Variants in WASHC2A observed in about 807,000 individuals in gnomAD.
WASHC2A encodes the protein WASH complex subunit FAM21A.
WASHC2A carries 82 observed loss-of-function variants against 140.3 expected under a neutral mutation model. The ratio of observed to expected loss-of-function variants is 0.58; its 90% CI spans 0.49 to 0.70. The LOEUF (loss-of-function observed/expected upper bound fraction) is 0.70, where lower values mean the gene tolerates loss of function less well. Among genes scored for constraint, WASHC2A ranks in the 30% least tolerant of loss-of-function variants. WASHC2A has a pLI of 0.00. For missense variants in WASHC2A, 985 were observed against 1,521.8 expected (o/e 0.65, Z 5.87); for synonymous variants, 340 against 560.8 (o/e 0.61, Z 5.56).
At chr10:50,125,514 C>G in intron 25 of WASHC2A, 65 bp downstream of exon 25, 1 of 1,610,942 alleles carries the variant, frequency 6.2e-7, no homozygotes, top group East Asian at 2.2e-5. Flanking sequence ...AAACTAACGT[C>G]CAGTTAGATC....
In WASHC2A at chr10:50,074,821, C is replaced by G. The variant is rs181869257; in HGVS notation, c.292-3854C>G. Among the ~76,000 whole-genome samples the G allele has an allele frequency of 1.8e-3, 274 of 152,208 alleles. 1 individual carries two copies. Among genetic ancestry groups the G allele is most frequent in the African/African-American group, 6.4e-3 (264 of 41,530 alleles). ...GTCCCAGCTACTCGGGAGCTTGAGG[C>G]AGGAGAAGGGCGTGAACCCGGGAGG... On this transcript the variant is annotated intron_variant, in intron 3 of 30. Coordinates refer to ENST00000282633, the MANE Select transcript of WASHC2A (RefSeq NM_001005751.3).
At chr10:50,111,489 C>T (rs1408948450) in intron 20 of WASHC2A, among the ~76,000 whole-genome samples, 2 of 152,034 alleles carry the variant, frequency 1.3e-5, no homozygotes, top group East Asian at 3.9e-4. Context: ...TCAATTTCCT[C>T]ATTTGTTAAA....
chr10:50,076,651 C>T (rs1344333588), intron 3 of WASHC2A, among the ~76,000 whole-genome samples: 1 of 152,114 alleles, frequency 6.6e-6, no homozygotes. Flanking sequence ...TAGGTAAAAT[C>T]CCTCTCTAGG....
At chr10:50,092,450 G>GT (rs1441803351) in intron 11 of WASHC2A, among the ~76,000 whole-genome samples, 23 of 152,130 alleles carry the variant, frequency 1.5e-4, no homozygotes, top group Non-Finnish European at 4.4e-5. Context: ...GAGGTCAGGA[G>GT]TTTAAGACCA....
intron 26 of WASHC2A, 67 bp from the exon 27 acceptor site, chr10:50,127,093 C>T: frequency 6.3e-7 from 1 of 1,591,118 alleles, no homozygotes; most frequent in Non-Finnish European, 8.6e-7. Flanking sequence ...GATTTATTTA[C>T]AGGCATAAGA....
chr10:50,121,812 A>G (rs1444910910), intron 23 of WASHC2A, among the ~76,000 whole-genome samples: 2 of 148,630 alleles, frequency 1.3e-5, no homozygotes, highest in Non-Finnish European at 2.9e-5. Flanking sequence ...CAAAAGAAGT[A>G]CAAGACTTGT....
At chr10:50,100,876 C>T (rs1201257332) in intron 17 of WASHC2A, among the ~76,000 whole-genome samples, 1 of 152,310 alleles carries the variant, frequency 6.6e-6, no homozygotes, top group Non-Finnish European at 1.5e-5. Flanking sequence ...TTTCCTGAGT[C>T]TCTCAGGCCT....
At chr10:50,070,583 T>C (rs1319552434) in intron 3 of WASHC2A, among the ~76,000 whole-genome samples, 1 of 149,020 alleles carries the variant, frequency 6.7e-6, no homozygotes, top group African/African-American at 2.5e-5. Flanking sequence ...TTGTGCAGCA[T>C]GTTTGTGCAT....
At position 50,122,088 on chromosome 10, in the gene WASHC2A, TG is replaced by T. The variant is rs1347791756; in HGVS notation, c.2478+2320del. Reference sequence around the variant, plus strand: ...ACAAAGTTAGAAGACTCACACTTCCTGATTTCAAAACTTACTTTAAGACAGG... The same window carrying T: ...ACAAAGTTAGAAGACTCACACTTCCTATTTCAAAACTTACTTTAAGACAGG... On this transcript the variant is annotated intron_variant, in intron 23 of 30. Coordinates refer to ENST00000282633, the MANE Select transcript of WASHC2A (RefSeq NM_001005751.3). Among the ~76,000 whole-genome samples the T allele has an allele frequency of 6.6e-5, 9 of 136,946 alleles. 1 individual carries two copies. The Admixed American group carries it at 6.7e-4, about 10-fold the overall frequency. The allele number at this position is 136,946 out of a possible 152,430, so 89.8% of individuals were successfully genotyped here. A position where few individuals can be genotyped will look rare whatever the true frequency, so the allele number is the denominator to read the frequency against.
intron 19 of WASHC2A, among the ~76,000 whole-genome samples, chr10:50,109,258 T>C (rs1375681410): frequency 3.8e-4 from 58 of 152,336 alleles, no homozygotes; most frequent in Admixed American, 9.8e-4. Context: ...GGTGTGAGCA[T>C]AGTCGAGTAG....
At chr10:50,103,507 C>G in intron 17 of WASHC2A, among the ~76,000 whole-genome samples, 1 of 152,018 alleles carries the variant, frequency 6.6e-6, no homozygotes, top group Non-Finnish European at 1.5e-5. Flanking sequence ...TTTCAGTGAG[C>G]CGAGATTGCA....
chr10:50,110,892 C>CAAAAAAA (rs1239943523), intron 20 of WASHC2A, among the ~76,000 whole-genome samples: 2 of 69,722 alleles, frequency 2.9e-5, no homozygotes, highest in Admixed American at 1.9e-4. Context: ...GACTCCATCT[C>CAAAAAAA]AAAAAAAAAA....
intron 21 of WASHC2A, among the ~76,000 whole-genome samples, chr10:50,116,770 T>C (rs1265689671): frequency 2.0e-5 from 3 of 150,730 alleles, no homozygotes; most frequent in African/African-American, 4.9e-5. Flanking sequence ...TACTTATCTC[T>C]TCCTAACTAA....
At chr10:50,112,983 A>C (rs1554890890) in intron 20 of WASHC2A, among the ~76,000 whole-genome samples, 1 of 151,686 alleles carries the variant, frequency 6.6e-6, no homozygotes, top group Non-Finnish European at 1.5e-5. Context: ...GTGATATTGC[A>C]CAACTCGATG....
At position 50,093,401 on chromosome 10, in the gene WASHC2A, C is replaced by G. The variant is rs1216209645; in HGVS notation, c.1122+15C>G. 7.4e-7 allele frequency: 1 copy of G among 1,353,136 alleles called. No homozygotes were observed. Among genetic ancestry groups the G allele is most frequent in the African/African-American group, 1.5e-5 (1 of 68,688 alleles). 83.8% of individuals were successfully genotyped at this position (1,353,136 alleles called of 1,614,324 possible). The stretch of plus-strand genomic sequence containing the variant: ...AGGACGAGGAGGTGAGTCCATGGCA[C>G]CCAGCAACACTCCCTGCAGCTAGCT... On this transcript the variant is annotated intron_variant, in intron 12 of 30. Transcript: ENST00000282633.
At chr10:50,090,986 A>G in intron 9 of WASHC2A, 100 bp downstream of exon 9, 1 of 1,330,232 alleles carries the variant, frequency 7.5e-7, no homozygotes, top group South Asian at 1.3e-5. Flanking sequence ...TCATTTTGGC[A>G]TATTTGTCAT....
At chr10:50,130,786 TCG>T (rs1843893229) in intron 29 of WASHC2A, 113 bp from the exon 30 acceptor site, 1 of 1,511,234 alleles carries the variant, frequency 6.6e-7, no homozygotes, top group Admixed American at 2.1e-5. Flanking sequence ...GTGGGCAGTC[TCG>T]AGGCTGTTCC....
At chr10:50,083,331 C>T (rs2805140) in intron 5 of WASHC2A, among the ~76,000 whole-genome samples, 33,056 of 90,922 alleles carry the variant, frequency 0.36, 10,945 homozygotes, top group Admixed American at 0.49. Flanking sequence ...TATATAGTTA[C>T]ATTATGTCTC....
intron 18 of WASHC2A, among the ~76,000 whole-genome samples, chr10:50,104,730 AC>A (rs1262736776): frequency 6.6e-6 from 1 of 150,958 alleles, no homozygotes; most frequent in East Asian, 1.9e-4. Context: ...AATACAATTG[AC>A]CCTTTAACAG....
Sources: allele counts gnomAD v4.1 joint callset (sites outside exome capture counted in the v4.1 genomes callset), GRCh38; gene constraint gnomAD v4.1.1; transcripts MANE v1.5; gene names NCBI Gene and HGNC (gene_info 2026-07-23, HGNC 2026-07-21).